Variants in GLI3 observed in about 807,000 individuals in gnomAD.
GLI3 encodes GLI family zinc finger 3.
A neutral mutation model predicts 100.8 loss-of-function variants in GLI3; 20 were observed. The ratio of observed to expected loss-of-function variants is 0.20; its 90% CI spans 0.14 to 0.29. The LOEUF (loss-of-function observed/expected upper bound fraction) is 0.29, where lower values mean the gene tolerates loss of function less well. GLI3 is among the 10% of genes least tolerant of loss of function. The pLI, the probability that GLI3 is intolerant of heterozygous loss-of-function variation, is 1.00. For missense variants in GLI3, 2,040 were observed against 2,128.5 expected (o/e 0.96, Z 0.82); for synonymous variants, 938 against 860.5 (o/e 1.09, Z -1.58).
At position 42,040,377 on chromosome 7, in the gene GLI3, G is replaced by A. The variant is rs866679955; in HGVS notation, c.827-138C>T. 1.8e-5 allele frequency: 13 copies of A among 712,716 alleles called. No homozygotes were observed. In the Middle Eastern group the frequency reaches 1.1e-3, roughly 62 times the overall value. 44.1% of individuals were successfully genotyped at this position (712,716 alleles called of 1,614,324 possible). A position where few individuals can be genotyped will look rare whatever the true frequency, so the allele number is the denominator to read the frequency against. Reference sequence around the variant, plus strand: ...GTGACAAGCACCTCTCCTCCCCCATGTGATCTACTAGCTACAGTTGAGGAA... The same window carrying A: ...GTGACAAGCACCTCTCCTCCCCCATATGATCTACTAGCTACAGTTGAGGAA... On this transcript the variant is annotated intron_variant, in intron 6 of 14. Coordinates refer to ENST00000395925, the MANE Select transcript of GLI3 (RefSeq NM_000168.6).
intron 12 of GLI3, among the ~76,000 whole-genome samples, chr7:41,976,609 G>A (rs1462087707): frequency 6.6e-6 from 1 of 152,158 alleles, no homozygotes; most frequent in Non-Finnish European, 1.5e-5. Flanking sequence ...GCCACTCCAG[G>A]GTCTCATGTG....
intron 2 of GLI3, among the ~76,000 whole-genome samples, chr7:42,176,662 C>T (rs1228318279): frequency 6.6e-6 from 1 of 152,234 alleles, no homozygotes; most frequent in Admixed American, 6.5e-5. Context: ...ATACAAGGTC[C>T]ACAACTTAAC....
intron 1 of GLI3, among the ~76,000 whole-genome samples, chr7:42,261,023 G>C (rs1789132073): frequency 6.6e-6 from 1 of 152,130 alleles, no homozygotes; most frequent in Non-Finnish European, 1.5e-5. Flanking sequence ...ACCTAAGACT[G>C]GGTAATTCAT....
chr7:42,212,759 A>G (rs889659503), intron 2 of GLI3, among the ~76,000 whole-genome samples: 1 of 152,292 alleles, frequency 6.6e-6, no homozygotes, highest in Admixed American at 6.5e-5. Flanking sequence ...TCAAGCTCAG[A>G]TGGGATGGAT....
At chr7:42,251,264 T>G (rs1007860514) in intron 1 of GLI3, among the ~76,000 whole-genome samples, 1 of 152,174 alleles carries the variant, frequency 6.6e-6, no homozygotes, top group African/African-American at 2.4e-5. Flanking sequence ...GGGATGGTTT[T>G]GGGATGAAAC....
chr7:42,110,809 G>C (rs1436035813), intron 3 of GLI3, among the ~76,000 whole-genome samples: 1 of 152,156 alleles, frequency 6.6e-6, no homozygotes, highest in Non-Finnish European at 1.5e-5. Flanking sequence ...TTTAGTAAAT[G>C]GGTTCCTGAA....
At chr7:42,204,772 T>C (rs1429087559) in intron 2 of GLI3, among the ~76,000 whole-genome samples, 1 of 152,134 alleles carries the variant, frequency 6.6e-6, no homozygotes, top group Non-Finnish European at 1.5e-5. Context: ...AGAAAAGTTC[T>C]TATGAGACAG....
In GLI3 at chr7:41,968,740, GA is replaced by G. The variant is rs770631137; in HGVS notation, c.2104-818del. Among the ~76,000 whole-genome samples, 827 of 124,148 alleles carry G rather than the reference GA, an allele frequency of 6.7e-3. 7 individuals carry two copies. The highest frequency in any genetic ancestry group is 0.031 in the African/African-American group (774 of 24,802). 81.4% of individuals were successfully genotyped at this position (124,148 alleles called of 152,430 possible). ...AGAAAGAAAGAAAGAAAGAAAGAAA[GA>G]AAGAAAGAAAGAAAGAAAGAAGGAA... is the stretch of plus-strand genomic sequence containing the variant. On this transcript the variant is annotated intron_variant, in intron 13 of 14. Transcript: ENST00000395925.
At chr7:41,994,523 T>C (rs1415511281) in intron 10 of GLI3, among the ~76,000 whole-genome samples, 2 of 152,196 alleles carry the variant, frequency 1.3e-5, no homozygotes, top group African/African-American at 4.8e-5. Flanking sequence ...AGGGTGTGTG[T>C]GTGTGCAAAA....
chr7:42,202,904 G>T lies in GLI3; in HGVS notation c.124+20226C>A, dbSNP rs527362138. ...TCTTTTCCCATTCCTCACAAAGACA[G>T]TTCAAAATATTCACCATTCCTAAAC... On this transcript the variant is annotated intron_variant, in intron 2 of 14. Coordinates refer to ENST00000395925, the MANE Select transcript of GLI3 (RefSeq NM_000168.6). 3.9e-5 allele frequency among the ~76,000 whole-genome samples: 6 copies of T among 152,266 alleles called. No homozygotes were observed. The South Asian group carries it at 1.2e-3, about 32-fold the overall frequency.
intron 10 of GLI3, among the ~76,000 whole-genome samples, chr7:42,004,138 A>T (rs1788386129): frequency 6.6e-6 from 1 of 152,206 alleles, no homozygotes; most frequent in Non-Finnish European, 1.5e-5. Flanking sequence ...CCCAAACATT[A>T]TCTATGTTAA....
intron 2 of GLI3, among the ~76,000 whole-genome samples, chr7:42,181,737 A>G (rs1787598497): frequency 6.6e-6 from 1 of 152,200 alleles, no homozygotes; most frequent in South Asian, 2.1e-4. Flanking sequence ...ATTGCCCCAC[A>G]CTACATTCCC....
chr7:41,990,228 T>G (rs1188677817), intron 10 of GLI3, among the ~76,000 whole-genome samples: 1 of 152,204 alleles, frequency 6.6e-6, no homozygotes, highest in East Asian at 1.9e-4. Flanking sequence ...AAAGTTTTCC[T>G]GTTGGAAAAT....
rs145184527 is a variant in GLI3, at chr7:42,023,494, A to G, written c.1471T>C (p.Phe491Leu). ...NCHWEGCARE[F>L]DTQEQLVHHI... ...TGCACAAGCTGCTCTTGGGTGTCGA[A>G]CTCCCTCGCGCAGCCTTCCCAGTGG... Residue 491 changes from phenylalanine to leucine, a missense_variant, in exon 10 of 15, where the codon TTC becomes CTC. Physicochemically the swap from Phe to Leu is conservative, Grantham distance 22. Transcript: ENST00000395925. The G allele has an allele frequency of 1.8e-5, 29 of 1,613,906 alleles. No homozygotes were observed. The highest frequency in any genetic ancestry group is 1.6e-4 in the Middle Eastern group (1 of 6,084).
rs138308799 is a variant in GLI3, at chr7:42,198,880, G to T, written c.124+24250C>A. 6.5e-3 allele frequency among the ~76,000 whole-genome samples: 985 copies of T among 150,462 alleles called. 15 individuals are homozygous for T. The highest frequency in any genetic ancestry group is 0.023 in the African/African-American group (940 of 40,942). On this transcript the variant is annotated intron_variant, in intron 2 of 14. Coordinates refer to ENST00000395925, the MANE Select transcript of GLI3 (RefSeq NM_000168.6). ...AACAACCAGATGAGACATAATTAAT[G>T]GTGTCAAAAACACATAACTTAAAAT...
chr7:42,013,234 G>C (rs1788667619), intron 10 of GLI3, among the ~76,000 whole-genome samples: 1 of 152,108 alleles, frequency 6.6e-6, no homozygotes, highest in Non-Finnish European at 1.5e-5. Context: ...ATTTGTCTAA[G>C]CCCACCAGAC....
At chr7:42,017,193 A>G (rs1788788661) in intron 10 of GLI3, among the ~76,000 whole-genome samples, 1 of 152,230 alleles carries the variant, frequency 6.6e-6, no homozygotes, top group Admixed American at 6.5e-5. Flanking sequence ...GCCCAGCCCA[A>G]AGTGACCACC....
chr7:41,968,717 A>AAAGAAGAAAGAAAGAAAGAAAGAAAG (rs1164025621), intron 13 of GLI3, among the ~76,000 whole-genome samples: 1 of 103,648 alleles, frequency 9.6e-6, no homozygotes, highest in African/African-American at 4.8e-5. Flanking sequence ...AAGAAAGAAG[A>AAAGAAGAAAGAAAGAAAGAAAGAAAG]AAGAAAGAAA....
At chr7:42,125,440 T>C (rs1343730974) in intron 3 of GLI3, among the ~76,000 whole-genome samples, 1 of 152,180 alleles carries the variant, frequency 6.6e-6, no homozygotes, top group Non-Finnish European at 1.5e-5. Context: ...GGGCAGCAGA[T>C]AGCAGGCTTC....
Sources: gnomAD v4.1 joint callset for allele counts (sites outside exome capture counted in the v4.1 genomes callset) on GRCh38, gnomAD v4.1.1 for gene constraint, MANE v1.5 for transcripts, NCBI Gene and HGNC (gene_info 2026-07-23, HGNC 2026-07-21) for gene names.